CLPX: variants seen among roughly 807,000 people sequenced by gnomAD.
The protein encoded by CLPX is ATP-dependent clpX-like chaperone, mitochondrial.
CLPX carries 34 observed loss-of-function variants against 76.4 expected under a neutral mutation model. The observed-to-expected ratio is 0.45, with a 90% CI of 0.34 to 0.59. CLPX has a LOEUF of 0.59. Ranked by LOEUF, CLPX falls within the 20% of genes least tolerant of loss-of-function variation. The pLI is 0.01. For synonymous variants in CLPX, 248 were observed against 270.9 expected (o/e 0.92, Z 0.83); for missense variants, 613 against 757.0 (o/e 0.81, Z 2.23).
intron 8 of CLPX, 68 bp from the exon 9 acceptor site, chr15:65,157,000 A>C: frequency 4.2e-6 from 4 of 952,382 alleles, no homozygotes. Flanking sequence ...CAGCTTTAAA[A>C]TACTTAGGTA....
rs1302716874 is a variant in CLPX, at chr15:65,156,365, C to T, written c.1146+479G>A. Among the ~76,000 whole-genome samples, 3 of 152,276 alleles carry T rather than the reference C, an allele frequency of 2.0e-5. No homozygotes were observed. The East Asian group carries it at 5.8e-4, about 29-fold the overall frequency. On this transcript the variant is annotated intron_variant, in intron 9 of 13. Transcript: ENST00000300107. ...TCAAAAAGTGAAACAATTTTCCTCA[C>T]CCTTTAATAGTTTATGTCATAATTA...
intron 3 of CLPX, 69 bp from the exon 4 acceptor site, chr15:65,166,854 C>G: frequency 6.8e-7 from 1 of 1,469,330 alleles, no homozygotes; most frequent in Non-Finnish European, 9.2e-7. Context: ...ACCTTAAAGA[C>G]TCCACTGTAA....
At chr15:65,170,591 C>T (rs546712733) in intron 3 of CLPX, among the ~76,000 whole-genome samples, 1 of 151,898 alleles carries the variant, frequency 6.6e-6, no homozygotes, top group South Asian at 2.1e-4. Flanking sequence ...ATGGCGAAAC[C>T]CTGTCTTTAC....
chr15:65,176,197 C>T (rs1237391351), intron 3 of CLPX, among the ~76,000 whole-genome samples: 1 of 152,192 alleles, frequency 6.6e-6, no homozygotes, highest in Non-Finnish European at 1.5e-5. Context: ...TCTAGGACTC[C>T]ATCCCACATC....
chr15:65,159,961 C>A (rs929441890), intron 6 of CLPX, among the ~76,000 whole-genome samples: 3 of 151,944 alleles, frequency 2.0e-5, no homozygotes, highest in Admixed American at 2.0e-4. Flanking sequence ...TACAGGCACA[C>A]GCCACCACAC....
At chr15:65,182,521 TATA>T (rs1168456018) in intron 1 of CLPX, among the ~76,000 whole-genome samples, 2 of 152,316 alleles carry the variant, frequency 1.3e-5, no homozygotes. Context: ...TATCAGCAAC[TATA>T]ATGTGATATG....
intron 3 of CLPX, among the ~76,000 whole-genome samples, chr15:65,168,735 C>T (rs1421212936): frequency 1.3e-5 from 2 of 151,356 alleles, no homozygotes; most frequent in African/African-American, 2.4e-5. Context: ...TACCCTAGAA[C>T]TTAAAGTATA....
At chr15:65,181,692 T>C (rs1255191588) in intron 1 of CLPX, among the ~76,000 whole-genome samples, 4 of 151,686 alleles carry the variant, frequency 2.6e-5, no homozygotes, top group Non-Finnish European at 4.4e-5. Flanking sequence ...GAGGTTGCAG[T>C]GAGCCGAGAT....
chr15:65,166,487 C>A, intron 4 of CLPX, 144 bp downstream of exon 4: 1 of 834,822 alleles, frequency 1.2e-6, no homozygotes. Flanking sequence ...AAGGCAATAA[C>A]AATTTAGCCA....
At chr15:65,154,015 G>A (rs2087756719) in intron 11 of CLPX, among the ~76,000 whole-genome samples, 1 of 152,136 alleles carries the variant, frequency 6.6e-6, no homozygotes, top group African/African-American at 2.4e-5. Flanking sequence ...TGGAGCTAAG[G>A]GAGCAGCAAA....
At chr15:65,171,888 T>G (rs776264044) in intron 3 of CLPX, among the ~76,000 whole-genome samples, 6 of 152,214 alleles carry the variant, frequency 3.9e-5, no homozygotes, top group Non-Finnish European at 8.8e-5. Flanking sequence ...TGCAACACAA[T>G]TTTACACTGA....
At chr15:65,151,756 G>T (rs1432831643) in intron 13 of CLPX, among the ~76,000 whole-genome samples, 1 of 152,050 alleles carries the variant, frequency 6.6e-6, no homozygotes, top group South Asian at 2.1e-4. Flanking sequence ...TGCCTCTAAA[G>T]TTATCTTGGA....
chr15:65,155,772 C>T lies in CLPX; in HGVS notation c.1231G>A (p.Asp411Asn), dbSNP rs775764773. The T allele has an allele frequency of 6.2e-7, 1 of 1,613,972 alleles. No homozygotes were observed. The highest frequency in any genetic ancestry group is 1.7e-5 in the Admixed American group (1 of 60,014). ...RKLRGETVQVDTTNILFVASG... is the reference protein window; with the variant it reads ...RKLRGETVQVNTTNILFVASG... ...GCCACAAACAGGATGTTTGTTGTATCAACTTGAACTGTTTCTCCACGGAGC... is the reference window on the plus strand; with the variant it reads ...GCCACAAACAGGATGTTTGTTGTATTAACTTGAACTGTTTCTCCACGGAGC... Residue 411 changes from aspartate (D) to asparagine (N), a missense_variant, in exon 10 of 14, where the codon GAT (aspartate) becomes AAT (asparagine). Around this residue, in one of 2 missense-constraint regions of CLPX, gnomAD observed 450 missense variants for 638.6 expected, o/e 0.70. Coordinates refer to ENST00000300107, the MANE Select transcript of CLPX (RefSeq NM_006660.5).
At chr15:65,168,574 A>T (rs1210482840) in intron 3 of CLPX, among the ~76,000 whole-genome samples, 9 of 125,488 alleles carry the variant, frequency 7.2e-5, no homozygotes, top group Non-Finnish European at 1.5e-4. Context: ...CAGGGTGGGG[A>T]ACATCACACA....
rs2087808072 is a variant in CLPX, at chr15:65,157,795, A to C, written c.1008T>G (p.Ile336Met). ...GYVGEDIESV[I>M]AKLLQDANYN... Reference sequence around the variant, plus strand: ...AATTGGCATCTTGGAGTAGTTTTGCAATCACAGATTCAATATCTTCGCCTA... The same window carrying C: ...AATTGGCATCTTGGAGTAGTTTTGCCATCACAGATTCAATATCTTCGCCTA... The change falls in exon 8 of 14, where the codon ATT becomes ATG. Residue 336 changes from isoleucine to methionine, a missense_variant. By Grantham distance (10) the Ile-to-Met change is conservative. This residue lies in a region of CLPX where 450 missense variants were observed against 638.6 expected (regional missense o/e 0.70). Transcript: ENST00000300107. 6.2e-7 allele frequency: 1 copy of C among 1,613,882 alleles called. No homozygotes were observed. Among genetic ancestry groups the C allele is most frequent in the Non-Finnish European group, 8.5e-7 (1 of 1,179,974 alleles).
chr15:65,160,787 A>G (rs1481133213), intron 6 of CLPX, among the ~76,000 whole-genome samples: 1 of 152,256 alleles, frequency 6.6e-6, no homozygotes, highest in Non-Finnish European at 1.5e-5. Context: ...TACAGATGAT[A>G]TCCATCATCC....
rs1396898897 is a variant in CLPX at position 65,165,498 on chromosome 15, C to T, written c.513+1133G>A. Reference sequence around the variant, plus strand: ...TCCCGGGTTCACGCCATTCTCCTGCCTCAGCCTCCCGAGTAGCCAGGACTA... The same window carrying T: ...TCCCGGGTTCACGCCATTCTCCTGCTTCAGCCTCCCGAGTAGCCAGGACTA... On this transcript the variant is annotated intron_variant, in intron 4 of 13. Coordinates refer to ENST00000300107, the MANE Select transcript of CLPX (RefSeq NM_006660.5). Among the ~76,000 whole-genome samples, 4 of 150,622 alleles carry T rather than the reference C, an allele frequency of 2.7e-5. No homozygotes were observed. The South Asian group carries it at 8.4e-4, about 32-fold the overall frequency.
At position 65,173,130 on chromosome 15, in the gene CLPX, G is replaced by A. The variant is rs896448625; in HGVS notation, c.358+5804C>T. Among the ~76,000 whole-genome samples, 3 of 152,148 alleles carry A rather than the reference G, an allele frequency of 2.0e-5. No individual in the cohort carries two copies. The East Asian group carries it at 5.8e-4, about 29-fold the overall frequency. The stretch of plus-strand genomic sequence containing the variant: ...CATGCCTGTAATCCCAGCATTCTGG[G>A]AGCCCGAGGCAGGAGGATCACCTGA... On this transcript the variant is annotated intron_variant, in intron 3 of 13. Transcript: ENST00000300107.
At chr15:65,179,124 A>C in intron 2 of CLPX, 73 bp from the exon 3 acceptor site, 1 of 746,280 alleles carries the variant, frequency 1.3e-6, no homozygotes, top group Admixed American at 2.2e-5. Flanking sequence ...AATGTAAACA[A>C]TACTGTTTGT....
Sources: gnomAD v4.1 joint callset for allele counts (sites outside exome capture counted in the v4.1 genomes callset) on GRCh38, gnomAD v4.1.1 for gene constraint, gnomAD v4.1.1 regional missense constraint, MANE v1.5 for transcripts, NCBI Gene and HGNC (gene_info 2026-07-23, HGNC 2026-07-21) for gene names.